The following PCDH9 variants were observed in gnomAD, a reference collection of about 807,000 sequenced individuals.
The protein encoded by PCDH9 is protocadherin 9, also known as protocadherin-9.
Under a neutral mutation model 70.6 loss-of-function variants are expected in PCDH9, and 24 were observed. That is an observed-to-expected ratio of 0.34 (90% CI 0.25 to 0.48). The LOEUF is 0.48. Ranked by LOEUF, PCDH9 falls within the 20% of genes least tolerant of loss-of-function variation. The pLI is 0.99. For missense variants in PCDH9, 1,281 were observed against 1,503.6 expected, an observed-to-expected ratio of 0.85 and a Z score of 2.45; for synonymous variants, 562 against 558.5, an observed-to-expected ratio of 1.01 and a Z score of -0.09.
intron 2 of PCDH9, among the ~76,000 whole-genome samples, chr13:66,969,376 T>C (rs1055840666): frequency 6.6e-6 from 1 of 152,014 alleles, no homozygotes; most frequent in African/African-American, 2.4e-5. Flanking sequence ...CATTGTTATA[T>C]TCAGCAGCTT....
At chr13:67,196,271 T>G (rs1251118170) in intron 2 of PCDH9, among the ~76,000 whole-genome samples, 2 of 152,066 alleles carry the variant, frequency 1.3e-5, no homozygotes, top group East Asian at 3.9e-4. Context: ...AATAGGGATA[T>G]GAATTAGCCG....
intron 2 of PCDH9, among the ~76,000 whole-genome samples, chr13:67,053,405 G>GAAAGA (rs2085359082): frequency 6.6e-6 from 1 of 152,120 alleles, no homozygotes; most frequent in Non-Finnish European, 1.5e-5. Flanking sequence ...ATAGAATAAA[G>GAAAGA]AAAATAAAGT....
intron 3 of PCDH9, among the ~76,000 whole-genome samples, chr13:66,871,430 TA>T (rs58553968): frequency 6.0e-5 from 9 of 150,660 alleles, no homozygotes; most frequent in Admixed American, 6.0e-4. Flanking sequence ...TAAATAAAAT[TA>T]AAAAAAATCA....
intron 3 of PCDH9, among the ~76,000 whole-genome samples, chr13:66,776,636 A>C (rs2079898652): frequency 6.6e-6 from 1 of 152,188 alleles, no homozygotes; most frequent in Non-Finnish European, 1.5e-5. Context: ...AAGAGGATAC[A>C]AACAAATGGA....
intron 2 of PCDH9, among the ~76,000 whole-genome samples, chr13:67,058,174 A>G (rs1343892976): frequency 6.6e-6 from 1 of 152,170 alleles, no homozygotes; most frequent in Non-Finnish European, 1.5e-5. Flanking sequence ...CAGAAATTTT[A>G]TCTCTCAGTA....
Position 66,798,815 on chromosome 13 carries a change from TC to T in PCDH9, c.3138+104688del, listed in dbSNP as rs1332319303. 2.2e-4 allele frequency among the ~76,000 whole-genome samples: 7 copies of T among 31,366 alleles called. No individual in the cohort carries two copies. The Non-Finnish European group carries it at 0.012, about 52-fold the overall frequency. The allele number at this position is 31,366 out of a possible 152,430, so 20.6% of individuals were successfully genotyped here. ...ACTATATGATGCTTATTCCTGTTCC[TC>T]GTTTTTTTTTTCTTTTTGAGACACA... is the stretch of plus-strand genomic sequence containing the variant. On this transcript the variant is annotated intron_variant, in intron 3 of 4. Coordinates refer to ENST00000377865, the MANE Select transcript of PCDH9 (RefSeq NM_203487.3).
chr13:66,814,113 T>G (rs573878267), intron 3 of PCDH9, among the ~76,000 whole-genome samples: 1 of 152,316 alleles, frequency 6.6e-6, no homozygotes, highest in South Asian at 2.1e-4. Flanking sequence ...TATTAGCATC[T>G]GAAAAGTCAA....
chr13:66,469,300 A>G (rs1462703904), intron 4 of PCDH9, among the ~76,000 whole-genome samples: 1 of 152,110 alleles, frequency 6.6e-6, no homozygotes, highest in Non-Finnish European at 1.5e-5. Context: ...ACAAAACCAC[A>G]TTATGCCATC....
intron 4 of PCDH9, among the ~76,000 whole-genome samples, chr13:66,319,279 G>A (rs990233136): frequency 1.3e-5 from 2 of 152,156 alleles, no homozygotes; most frequent in African/African-American, 2.4e-5. Context: ...CTCGACATGT[G>A]AGGATTACAA....
chr13:67,205,624 A>C (rs1236139110), intron 2 of PCDH9: 1 of 152,182 alleles, frequency 6.6e-6, no homozygotes, highest in Non-Finnish European at 1.5e-5. Context: ...GTACTCATGA[A>C]AGTGATTCCA....
chr13:66,982,568 C>A (rs914512629), intron 2 of PCDH9, among the ~76,000 whole-genome samples: 1 of 152,034 alleles, frequency 6.6e-6, no homozygotes, highest in Admixed American at 6.6e-5. Context: ...CCCTACCTAC[C>A]CCGGGTTCTC....
chr13:66,420,217 C>T (rs1412870550), intron 4 of PCDH9, among the ~76,000 whole-genome samples: 2 of 152,174 alleles, frequency 1.3e-5, no homozygotes, highest in Non-Finnish European at 2.9e-5. Flanking sequence ...GGACAGAGCA[C>T]CGAGGGTACA....
chr13:66,871,601 T>G (rs2081688011), intron 3 of PCDH9, among the ~76,000 whole-genome samples: 1 of 152,050 alleles, frequency 6.6e-6, no homozygotes, highest in African/African-American at 2.4e-5. Flanking sequence ...GGTTTTCTAA[T>G]TCATCCTTCT....
At chr13:66,719,468 A>G (rs1346989519) in intron 3 of PCDH9, among the ~76,000 whole-genome samples, 3 of 152,056 alleles carry the variant, frequency 2.0e-5, no homozygotes, top group Non-Finnish European at 4.4e-5. Context: ...CCATGTGAGG[A>G]CTCAGTAACA....
At chr13:67,147,833 C>T (rs548074593) in intron 2 of PCDH9, among the ~76,000 whole-genome samples, 1 of 152,266 alleles carries the variant, frequency 6.6e-6, no homozygotes, top group Non-Finnish European at 1.5e-5. Context: ...TGGGCCAGTT[C>T]TCTTTTTGTT....
At chr13:66,538,273 T>C in intron 4 of PCDH9, among the ~76,000 whole-genome samples, 1 of 152,266 alleles carries the variant, frequency 6.6e-6, no homozygotes, top group Non-Finnish European at 1.5e-5. Context: ...TCTACAAAAA[T>C]AATATTTCAC....
chr13:66,678,513 T>A (rs1043932680), intron 3 of PCDH9, among the ~76,000 whole-genome samples: 7 of 152,014 alleles, frequency 4.6e-5, no homozygotes, highest in Admixed American at 2.0e-4. Context: ...TAGTATGTAT[T>A]ATCTTATACA....
chr13:67,062,124 G>T (rs1196578973), intron 2 of PCDH9, among the ~76,000 whole-genome samples: 1 of 152,132 alleles, frequency 6.6e-6, no homozygotes, highest in Admixed American at 6.6e-5. Context: ...TGGGCGATGT[G>T]TCTTACACTG....
intron 4 of PCDH9, among the ~76,000 whole-genome samples, chr13:66,312,723 T>A (rs576554723): frequency 1.3e-5 from 2 of 152,318 alleles, no homozygotes; most frequent in East Asian, 3.9e-4. Flanking sequence ...AGTGGTTCTA[T>A]CAGAGTTTTA....
Sources: allele counts gnomAD v4.1 joint callset (sites outside exome capture counted in the v4.1 genomes callset), GRCh38; gene constraint gnomAD v4.1.1; transcripts MANE v1.5; gene names NCBI Gene and HGNC (gene_info 2026-07-23, HGNC 2026-07-21).